GRIN2B: variants seen among roughly 807,000 people sequenced by gnomAD.
GRIN2B encodes glutamate ionotropic receptor NMDA type subunit 2B.
A neutral mutation model predicts 114.5 loss-of-function variants in GRIN2B; 5 were observed. The observed-to-expected ratio is 0.04, with a 90% CI of 0.02 to 0.09. The LOEUF is 0.09. GRIN2B is among the 10% of genes least tolerant of loss of function. GRIN2B has a pLI of 1.00. For synonymous variants in GRIN2B, 787 were observed against 745.1 expected (o/e 1.06, Z -0.92); for missense variants, 1,108 against 1,943.5 (o/e 0.57, Z 8.08).
intron 10 of GRIN2B, among the ~76,000 whole-genome samples, chr12:13,581,046 C>T (rs1336133409): frequency 1.3e-5 from 2 of 152,118 alleles, no homozygotes; most frequent in African/African-American, 4.8e-5. Flanking sequence ...GTGAATGCAC[C>T]AGTTGATCCA....
intron 10 of GRIN2B, among the ~76,000 whole-genome samples, chr12:13,599,226 T>C (rs906378560): frequency 6.6e-6 from 1 of 152,170 alleles, no homozygotes; most frequent in Non-Finnish European, 1.5e-5. Context: ...AATCGTAAAC[T>C]AAATGGTTGG....
At chr12:13,799,872 C>G (rs1189790622) in intron 3 of GRIN2B, among the ~76,000 whole-genome samples, 1 of 152,072 alleles carries the variant, frequency 6.6e-6, no homozygotes, top group Non-Finnish European at 1.5e-5. Flanking sequence ...CTAGGCAGGG[C>G]AGGGAGAGAA....
intron 10 of GRIN2B, among the ~76,000 whole-genome samples, chr12:13,574,218 T>G (rs924194079): frequency 2.0e-5 from 3 of 152,196 alleles, no homozygotes; most frequent in Non-Finnish European, 4.4e-5. Flanking sequence ...CTCCAGCAGA[T>G]AGCAAGCTTA....
chr12:13,682,601 G>A (rs991399139), intron 4 of GRIN2B, among the ~76,000 whole-genome samples: 20 of 152,144 alleles, frequency 1.3e-4, no homozygotes, highest in Admixed American at 8.5e-4. Context: ...GTGGTGTTAA[G>A]TTAATGAGAT....
intron 3 of GRIN2B, among the ~76,000 whole-genome samples, chr12:13,834,558 G>A (rs1172970818): frequency 6.6e-6 from 1 of 152,154 alleles, no homozygotes; most frequent in East Asian, 1.9e-4. Context: ...GTCACTGTCT[G>A]GCTGCAGTGG....
At chr12:13,924,226 G>A (rs1404954828) in intron 2 of GRIN2B, among the ~76,000 whole-genome samples, 1 of 152,156 alleles carries the variant, frequency 6.6e-6, no homozygotes, top group African/African-American at 2.4e-5. Context: ...AGATATCTAG[G>A]ATAGTATCAG....
chr12:13,724,709 G>A (rs1862948864), intron 4 of GRIN2B, among the ~76,000 whole-genome samples: 1 of 152,044 alleles, frequency 6.6e-6, no homozygotes, highest in Non-Finnish European at 1.5e-5. Flanking sequence ...CAGGGTTTCA[G>A]CTCAATATGG....
At chr12:13,614,311 TAG>T (rs1301833141) in intron 8 of GRIN2B, among the ~76,000 whole-genome samples, 1 of 152,210 alleles carries the variant, frequency 6.6e-6, no homozygotes, top group Non-Finnish European at 1.5e-5. Flanking sequence ...TGATGTGCCT[TAG>T]AGAGACGGTG....
chr12:13,564,213 G>C lies in GRIN2B; in HGVS notation c.3025C>G (p.Pro1009Ala). The change falls in exon 14 of 14, where the codon CCA (proline) becomes GCA (alanine). Residue 1009 changes from proline to alanine, a missense_variant. Transcript: ENST00000609686. The surrounding 1 kb of genome is among the most constrained non-coding windows in gnomAD (Gnocchi z 4.8). ...GACCTGGACTGGGTGGTGAAGGGTG[G>C]GTTGTCACAGTCGTAGAGCCCATCG... Reference protein sequence around the residue: ...SIDGLYDCDNPPFTTQSRSIS... With the variant: ...SIDGLYDCDNAPFTTQSRSIS... 1 of 1,614,186 alleles carries C rather than the reference G, an allele frequency of 6.2e-7. No individual in the cohort carries two copies.
intron 4 of GRIN2B, among the ~76,000 whole-genome samples, chr12:13,730,891 C>T (rs1486803787): frequency 6.6e-6 from 1 of 152,066 alleles, no homozygotes; most frequent in Non-Finnish European, 1.5e-5. Context: ...ATGACTAAAC[C>T]CCTTTCCTTT....
intron 3 of GRIN2B, among the ~76,000 whole-genome samples, chr12:13,770,148 C>T (rs1417771438): frequency 6.6e-6 from 1 of 152,198 alleles, no homozygotes; most frequent in Non-Finnish European, 1.5e-5. Context: ...CAGTATTCAG[C>T]TTTTCCTCAT....
rs1948283157 is a variant in GRIN2B at position 13,541,829 on chromosome 12, T to C, written c.*20954A>G. 1 of 152,252 alleles carries C rather than the reference T, an allele frequency of 6.6e-6. No individual in the cohort carries two copies. Among genetic ancestry groups the C allele is most frequent in the Admixed American group, 6.5e-5 (1 of 15,294 alleles). 9.4% of individuals were successfully genotyped at this position (152,252 alleles called of 1,614,324 possible). On this transcript the variant is annotated 3_prime_UTR_variant, in exon 14 of 14. Coordinates refer to ENST00000609686, the MANE Select transcript of GRIN2B (RefSeq NM_000834.5). ...CCTAACAGTTTCTCTTCTCAAATTA[T>C]GATTTTTTCAGGTGGCACAGGAAAT... is the stretch of plus-strand genomic sequence containing the variant.
chr12:13,954,171 A>G (rs1867545327), intron 2 of GRIN2B, among the ~76,000 whole-genome samples: 1 of 152,158 alleles, frequency 6.6e-6, no homozygotes, highest in African/African-American at 2.4e-5. Flanking sequence ...TATCTTTCAG[A>G]TATAATCTGC....
At chr12:13,676,010 C>T (rs1950070987) in intron 4 of GRIN2B, 151 bp from the exon 5 acceptor site, 1 of 652,870 alleles carries the variant, frequency 1.5e-6, no homozygotes, top group Non-Finnish European at 2.8e-6. Flanking sequence ...CTTGAACTCG[C>T]ATTTGATTAT....
At chr12:13,754,772 A>G (rs540216052) in intron 3 of GRIN2B, among the ~76,000 whole-genome samples, 18 of 152,204 alleles carry the variant, frequency 1.2e-4, no homozygotes, top group Admixed American at 5.9e-4. Flanking sequence ...TCTGACCTAC[A>G]GGACACCACA....
chr12:13,903,256 C>A (rs1866484959), intron 2 of GRIN2B, among the ~76,000 whole-genome samples: 1 of 152,006 alleles, frequency 6.6e-6, no homozygotes, highest in African/African-American at 2.4e-5. Context: ...TCATCTTGAT[C>A]ATTTCCTTCC....
At chr12:13,978,525 C>T (rs745953063) in intron 2 of GRIN2B, among the ~76,000 whole-genome samples, 4 of 152,204 alleles carry the variant, frequency 2.6e-5, no homozygotes, top group African/African-American at 4.8e-5. Flanking sequence ...CGACAAAGAT[C>T]TTTCACCTCT....
At chr12:13,620,862 C>T (rs866504901) in intron 5 of GRIN2B, among the ~76,000 whole-genome samples, 8 of 131,216 alleles carry the variant, frequency 6.1e-5, no homozygotes, top group African/African-American at 2.1e-4. Context: ...GCCTTAAAGT[C>T]GTTATTTTTT....
chr12:13,768,763 G>A (rs988860803), intron 3 of GRIN2B, among the ~76,000 whole-genome samples: 8 of 152,342 alleles, frequency 5.3e-5, no homozygotes, highest in Non-Finnish European at 1.5e-5. Flanking sequence ...TGGCCGGCAC[G>A]GTGGCTCACG....
Sources: gnomAD v4.1 joint callset for allele counts (sites outside exome capture counted in the v4.1 genomes callset) on GRCh38, gnomAD v4.1.1 for gene constraint, Gnocchi (gnomAD v3.1) non-coding constraint, MANE v1.5 for transcripts, NCBI Gene and HGNC (gene_info 2026-07-23, HGNC 2026-07-21) for gene names.